The following SOX6 variants were observed in gnomAD, a reference collection of about 807,000 sequenced individuals.
SOX6 encodes the protein SRY-box transcription factor 6.
SOX6 carries 11 observed loss-of-function variants against 97.8 expected under a neutral mutation model. That is an observed-to-expected ratio of 0.11 (90% CI 0.07 to 0.19). SOX6 has a LOEUF of 0.19. SOX6 is among the 10% of genes least tolerant of loss of function. The probability of loss-of-function intolerance (pLI) is 1.00; values close to 1 mark genes in which losing one functional copy is unlikely to be tolerated. For synonymous variants in SOX6, 360 were observed against 371.4 expected, an observed-to-expected ratio of 0.97 and a Z score of 0.35; for missense variants, 810 against 1,039.5, an observed-to-expected ratio of 0.78 and a Z score of 3.04.
At chr11:16,045,194 A>C (rs946376446) in intron 12 of SOX6, among the ~76,000 whole-genome samples, 1 of 152,162 alleles carries the variant, frequency 6.6e-6, no homozygotes, top group Non-Finnish European at 1.5e-5. Flanking sequence ...AAATTCAACA[A>C]TATAGGGTAC....
intron 4 of SOX6, among the ~76,000 whole-genome samples, chr11:16,483,606 C>T (rs1860382504): frequency 6.6e-6 from 1 of 152,154 alleles, no homozygotes; most frequent in South Asian, 2.1e-4. Flanking sequence ...TGGACACACC[C>T]TCGCTGGCCA....
intron 1 of SOX6, among the ~76,000 whole-genome samples, chr11:16,437,418 C>G (rs1016420995): frequency 1.3e-5 from 2 of 152,172 alleles, no homozygotes; most frequent in Admixed American, 1.3e-4. Context: ...AGCTCCATGA[C>G]AGCAGAGATG....
chr11:16,096,150 A>C (rs777176727), intron 8 of SOX6, 32 bp from the exon 9 acceptor site: 55 of 1,607,494 alleles, frequency 3.4e-5, no homozygotes, highest in Non-Finnish European at 4.5e-5. Context: ...AAAAAAAAAA[A>C]AGACAAAACA....
intron 3 of SOX6, among the ~76,000 whole-genome samples, chr11:16,623,598 G>A (rs142873847): frequency 7.2e-5 from 11 of 152,126 alleles, no homozygotes; most frequent in East Asian, 1.9e-4. Context: ...TGTTTTTGTC[G>A]CATTTGCTTT....
In SOX6 at chr11:16,014,939, C is replaced by T. The variant is rs766611804; in HGVS notation, c.1732+3G>A. 95 of 1,612,106 alleles carry T rather than the reference C, an allele frequency of 5.9e-5. No individual in the cohort carries two copies. The highest frequency in any genetic ancestry group is 7.7e-5 in the Non-Finnish European group (91 of 1,178,730). On this transcript the variant is annotated splice_donor_region_variant and intron_variant, in intron 13 of 15. Coordinates refer to ENST00000683767, the MANE Select transcript of SOX6 (RefSeq NM_001367873.1). ...AGAAAAGAACTAGAGAAAAGCCACT[C>T]ACCCTCTGCATCTTCTGGCCGAGTA...
Position 16,055,741 on chromosome 11 carries a change from G to A in SOX6, c.1251+11C>T. 1 of 1,613,502 alleles carries A rather than the reference G, an allele frequency of 6.2e-7. No homozygotes were observed. The highest frequency in any genetic ancestry group is 8.5e-7 in the Non-Finnish European group (1 of 1,179,686). ...CTAAACTGTTTCCACAATGCTGCAA[G>A]GCGAGTGTACCTTAACTTGAGTTAC... On this transcript the variant is annotated intron_variant, in intron 10 of 15. Coordinates refer to ENST00000683767, the MANE Select transcript of SOX6 (RefSeq NM_001367873.1).
intron 4 of SOX6, among the ~76,000 whole-genome samples, chr11:16,487,257 C>T (rs1860451727): frequency 6.6e-6 from 1 of 151,978 alleles, no homozygotes; most frequent in African/African-American, 2.4e-5. Context: ...AAAATTAAGT[C>T]TTAGTTATTG....
chr11:16,686,640 G>C (rs1847971265), intron 3 of SOX6, among the ~76,000 whole-genome samples: 1 of 152,164 alleles, frequency 6.6e-6, no homozygotes, highest in African/African-American at 2.4e-5. Context: ...TGGTCTCTAA[G>C]AAGTTATAAA....
chr11:16,005,663 C>G (rs1344867314), intron 13 of SOX6, among the ~76,000 whole-genome samples: 1 of 151,942 alleles, frequency 6.6e-6, no homozygotes, highest in Non-Finnish European at 1.5e-5. Context: ...ATTGAAGCAC[C>G]ATGAGCAATT....
chr11:16,349,201 A>C (rs534508034), intron 1 of SOX6, among the ~76,000 whole-genome samples: 27 of 152,324 alleles, frequency 1.8e-4, no homozygotes, highest in African/African-American at 6.3e-4. Flanking sequence ...TAACTAACTC[A>C]AGATTTAAGA....
chr11:16,000,199 A>G (rs967797631), intron 13 of SOX6, among the ~76,000 whole-genome samples: 3 of 152,216 alleles, frequency 2.0e-5, no homozygotes, highest in Non-Finnish European at 4.4e-5. Context: ...TTCTTGCAAA[A>G]AAAAAGAAAA....
intron 3 of SOX6, among the ~76,000 whole-genome samples, chr11:16,295,890 G>A (rs1855068243): frequency 6.6e-6 from 1 of 152,022 alleles, no homozygotes; most frequent in African/African-American, 2.4e-5. Flanking sequence ...CTTCATTATA[G>A]AGATTTTTCC....
chr11:16,149,488 T>A (rs1470685296), intron 6 of SOX6, among the ~76,000 whole-genome samples: 5 of 151,760 alleles, frequency 3.3e-5, no homozygotes, highest in Non-Finnish European at 5.9e-5. Context: ...GAAATAGGAG[T>A]CTGATAGGTC....
intron 3 of SOX6, among the ~76,000 whole-genome samples, chr11:16,276,154 C>T (rs990533): frequency 0.95 from 144,300 of 152,232 alleles, 68,856 homozygotes; most frequent in East Asian, 1. Context: ...TCCAAACTTA[C>T]TTCTACCACT....
At chr11:16,362,125 T>C (rs1439908883) in intron 1 of SOX6, among the ~76,000 whole-genome samples, 2 of 152,100 alleles carry the variant, frequency 1.3e-5, no homozygotes, top group African/African-American at 2.4e-5. Flanking sequence ...CCCCTTCCCT[T>C]GTATCATGTG....
chr11:15,969,665 A>G lies in SOX6; in HGVS notation c.*3144T>C, dbSNP rs1477103459. 1.3e-5 allele frequency: 2 copies of G among 152,192 alleles called. No homozygotes were observed. The highest frequency in any genetic ancestry group is 2.9e-5 in the Non-Finnish European group (2 of 68,030). The allele number at this position is 152,192 out of a possible 1,614,324, so 9.4% of individuals were successfully genotyped here. ...GAAATACATAACTTATATCTCACTA[A>G]GTATTCATGAACCAAAAATAAATTC... is the stretch of plus-strand genomic sequence containing the variant. On this transcript the variant is annotated 3_prime_UTR_variant, in exon 16 of 16. Coordinates refer to ENST00000683767, the MANE Select transcript of SOX6 (RefSeq NM_001367873.1).
At chr11:16,060,376 AT>A (rs1305634065) in intron 9 of SOX6, among the ~76,000 whole-genome samples, 4 of 151,912 alleles carry the variant, frequency 2.6e-5, no homozygotes, top group Non-Finnish European at 5.9e-5. Context: ...TTACTGATAC[AT>A]TAGAGAAAGG....
chr11:16,172,018 C>T (rs1224888197), intron 6 of SOX6, among the ~76,000 whole-genome samples: 1 of 151,658 alleles, frequency 6.6e-6, no homozygotes, highest in Non-Finnish European at 1.5e-5. Flanking sequence ...TTCTAGAAAG[C>T]ATAACTGAGA....
chr11:16,141,544 C>T (rs956331925), intron 6 of SOX6, among the ~76,000 whole-genome samples: 10 of 152,184 alleles, frequency 6.6e-5, no homozygotes, highest in Admixed American at 2.0e-4. Context: ...GCTCACCGAG[C>T]GTGAGCCAAA....
Sources: allele counts gnomAD v4.1 joint callset (sites outside exome capture counted in the v4.1 genomes callset), GRCh38; gene constraint gnomAD v4.1.1; transcripts MANE v1.5; gene names NCBI Gene and HGNC (gene_info 2026-07-23, HGNC 2026-07-21).